Variants in BASP1 observed in about 807,000 individuals in gnomAD.
BASP1 encodes brain abundant membrane attached signal protein 1, also known as brain acid soluble protein 1.
BASP1 carries 1 observed loss-of-function variant against 2.2 expected under a neutral mutation model. That is an observed-to-expected ratio of 0.46 (90% CI 0.16 to 2.17). The LOEUF (loss-of-function observed/expected upper bound fraction) is 2.17. Among genes scored for constraint, BASP1 ranks in the 30% most tolerant of loss-of-function variants. The probability of loss-of-function intolerance (pLI) is 0.27; values close to 1 mark genes in which losing one functional copy is unlikely to be tolerated. For missense variants in BASP1, 352 were observed against 327.2 expected, an observed-to-expected ratio of 1.08 and a Z score of -0.58; for synonymous variants, 187 against 154.2, an observed-to-expected ratio of 1.21 and a Z score of -1.58.
chr5:17,236,923 C>T lies in BASP1; in HGVS notation c.-10+19113C>T, dbSNP rs187690785. On this transcript the variant is annotated intron_variant, in intron 1 of 1. Coordinates refer to ENST00000322611, the MANE Select transcript of BASP1 (RefSeq NM_006317.5). The surrounding 1 kb of genome is among the most constrained non-coding windows in gnomAD (Gnocchi z 4.0). ...TTCTGTATATTTAAAAAGCTGCTTG[C>T]GCTACTGTGTCATTCCTCTGGAATT... Among the ~76,000 whole-genome samples, 15 of 152,270 alleles carry T rather than the reference C, an allele frequency of 9.9e-5. No individual in the cohort carries two copies. Among genetic ancestry groups the T allele is most frequent in the African/African-American group, 2.6e-4 (11 of 41,556 alleles).
At chr5:17,223,237 A>G (rs1381574164) in intron 1 of BASP1, among the ~76,000 whole-genome samples, 3 of 152,274 alleles carry the variant, frequency 2.0e-5, no homozygotes, top group Middle Eastern at 6.8e-3. Context: ...TACTGGTTGT[A>G]TGATCTTTGG....
intron 1 of BASP1, among the ~76,000 whole-genome samples, chr5:17,274,290 A>ATAACT (rs1394849843): frequency 2.4e-4 from 37 of 152,232 alleles, no homozygotes; most frequent in South Asian, 6.2e-4. Context: ...TGTCAGACAC[A>ATAACT]GCCAGCAAGA....
chr5:17,227,970 G>A (rs565187316), intron 1 of BASP1, among the ~76,000 whole-genome samples: 1 of 152,322 alleles, frequency 6.6e-6, no homozygotes, highest in African/African-American at 2.4e-5. Context: ...CAGGCAGATA[G>A]TAACAAGTGT....
chr5:17,261,211 CTG>C (rs1437502541), intron 1 of BASP1, among the ~76,000 whole-genome samples: 3 of 152,302 alleles, frequency 2.0e-5, no homozygotes, highest in African/African-American at 7.2e-5. Context: ...TGGATGCTGA[CTG>C]TGCATTTCCT....
At chr5:17,268,843 T>C (rs1326152177) in intron 1 of BASP1, among the ~76,000 whole-genome samples, 2 of 152,234 alleles carry the variant, frequency 1.3e-5, no homozygotes, top group African/African-American at 4.8e-5. Flanking sequence ...AGGAGTTTAC[T>C]GGTTTTTCTT....
intron 1 of BASP1, among the ~76,000 whole-genome samples, chr5:17,258,371 G>A (rs1191910975): frequency 6.6e-6 from 1 of 152,190 alleles, no homozygotes; most frequent in Non-Finnish European, 1.5e-5. Context: ...CAAATGCTAT[G>A]TATATGTATT....
chr5:17,258,588 CAT>C (rs1232034911), intron 1 of BASP1, among the ~76,000 whole-genome samples: 7 of 152,148 alleles, frequency 4.6e-5, no homozygotes, highest in African/African-American at 1.7e-4. Flanking sequence ...TATACAGAAA[CAT>C]TGGCAAATAA....
intron 1 of BASP1, among the ~76,000 whole-genome samples, chr5:17,242,384 T>C (rs1739880606): frequency 6.6e-6 from 1 of 152,074 alleles, no homozygotes; most frequent in Non-Finnish European, 1.5e-5. Flanking sequence ...GTACGGAGGT[T>C]TCCCATATAA....
In BASP1 at chr5:17,275,552, C is replaced by T. The variant is rs1366042329; in HGVS notation, c.336C>T (p.Gly112=). 1 of 1,399,638 alleles carries T rather than the reference C, an allele frequency of 7.1e-7. No individual in the cohort carries two copies. The highest frequency in any genetic ancestry group is 9.2e-7 in the Non-Finnish European group (1 of 1,081,356). 86.7% of individuals were successfully genotyped at this position (1,399,638 alleles called of 1,614,324 possible). The change falls in exon 2 of 2, where the codon GGC becomes GGT. Residue 112 remains glycine (G), a synonymous_variant. Transcript: ENST00000322611. The surrounding 1 kb of genome is among the most constrained non-coding windows in gnomAD (Gnocchi z 5.3). ...CCGAGCAGGAGCAGGCGGCCCCCGG[C>T]CCCGCTGCGGGCGGCGAGGCCCCCA... ...KAPEQEQAAP[G]PAAGGEAPKA...
At chr5:17,242,093 T>C (rs1052243995) in intron 1 of BASP1, among the ~76,000 whole-genome samples, 2 of 152,214 alleles carry the variant, frequency 1.3e-5, no homozygotes, top group Non-Finnish European at 2.9e-5. Flanking sequence ...GGTGAAATCA[T>C]GCTCTCCTTT....
chr5:17,231,439 T>C (rs750703078), intron 1 of BASP1, among the ~76,000 whole-genome samples: 4 of 152,132 alleles, frequency 2.6e-5, no homozygotes, highest in African/African-American at 7.2e-5. Flanking sequence ...CTGCTTAAGA[T>C]TTTAGGCCTA....
intron 1 of BASP1, among the ~76,000 whole-genome samples, chr5:17,258,297 C>T (rs1261566436): frequency 6.6e-6 from 1 of 152,172 alleles, no homozygotes; most frequent in East Asian, 1.9e-4. Flanking sequence ...TCACATTGGT[C>T]TTTGGGATTT....
intron 1 of BASP1, among the ~76,000 whole-genome samples, chr5:17,274,813 T>C (rs1302683895): frequency 6.6e-6 from 1 of 152,184 alleles, no homozygotes; most frequent in Non-Finnish European, 1.5e-5. Flanking sequence ...TCCTTAATGT[T>C]TTTGATTCTT....
At chr5:17,253,436 C>T (rs934429373) in intron 1 of BASP1, among the ~76,000 whole-genome samples, 2 of 152,138 alleles carry the variant, frequency 1.3e-5, no homozygotes, top group African/African-American at 2.4e-5. Flanking sequence ...TGGTCTGGAA[C>T]CCCTGGACTG....
chr5:17,246,575 A>G (rs1739996780), intron 1 of BASP1, among the ~76,000 whole-genome samples: 3 of 145,438 alleles, frequency 2.1e-5, no homozygotes. Context: ...ACTTTGTTAA[A>G]TACAACTCAT....
intron 1 of BASP1, among the ~76,000 whole-genome samples, chr5:17,270,952 A>G (rs1414563262): frequency 2.0e-5 from 3 of 152,144 alleles, no homozygotes; most frequent in African/African-American, 7.2e-5. Context: ...CCATGACCCA[A>G]TGTGCAAAGT....
At chr5:17,234,573 T>C (rs1025648781) in intron 1 of BASP1, among the ~76,000 whole-genome samples, 8 of 152,192 alleles carry the variant, frequency 5.3e-5, no homozygotes, top group Non-Finnish European at 2.9e-5. Flanking sequence ...ACAGCTGACA[T>C]GAGGTTTTTC....
intron 1 of BASP1, among the ~76,000 whole-genome samples, chr5:17,268,634 G>A (rs537087245): frequency 1.3e-5 from 2 of 152,206 alleles, no homozygotes; most frequent in African/African-American, 4.8e-5. Flanking sequence ...CACAGCAGAT[G>A]ATCTGAAGGG....
chr5:17,217,053 G>GGAGAGAGAGAGAGAGAGAGAGAGA (rs146244333), upstream of BASP1: 4 of 104,140 alleles, frequency 3.8e-5, no homozygotes, highest in Admixed American at 1.1e-4. Context: ...TAAATGAGGG[G>GGAGAGAGAGAGAGAGAGAGAGAGA]GAGAGAGAGA....
Sources: gnomAD v4.1 joint callset for allele counts (sites outside exome capture counted in the v4.1 genomes callset) on GRCh38, gnomAD v4.1.1 for gene constraint, Gnocchi (gnomAD v3.1) non-coding constraint, MANE v1.5 for transcripts, NCBI Gene and HGNC (gene_info 2026-07-23, HGNC 2026-07-21) for gene names.